The following PTPN1 variants were observed in gnomAD, a reference collection of about 807,000 sequenced individuals.
PTPN1 encodes the protein tyrosine-protein phosphatase non-receptor type 1.
PTPN1 carries 12 observed loss-of-function variants against 59.9 expected under a neutral mutation model. That is an observed-to-expected ratio of 0.20 (90% CI 0.13 to 0.32). The LOEUF (loss-of-function observed/expected upper bound fraction) is 0.32, where lower values mean the gene tolerates loss of function less well. Ranked by LOEUF, PTPN1 falls within the 10% of genes least tolerant of loss-of-function variation. PTPN1 has a pLI of 1.00. For synonymous variants in PTPN1, 178 were observed against 203.6 expected, an observed-to-expected ratio of 0.87 and a Z score of 1.07; for missense variants, 356 against 549.2, an observed-to-expected ratio of 0.65 and a Z score of 3.52.
At chr20:50,515,504 C>G (rs1422077823) in intron 1 of PTPN1, among the ~76,000 whole-genome samples, 2 of 152,092 alleles carry the variant, frequency 1.3e-5, no homozygotes, top group Non-Finnish European at 2.9e-5. Flanking sequence ...ATTGCCCAGG[C>G]TGGTCTCAAA....
chr20:50,546,674 A>G (rs945100926), intron 1 of PTPN1, among the ~76,000 whole-genome samples: 1 of 149,334 alleles, frequency 6.7e-6, no homozygotes, highest in African/African-American at 2.6e-5. Context: ...CCTCCCATTC[A>G]CACTCCAAAT....
chr20:50,535,571 G>T (rs2082621054), intron 1 of PTPN1, among the ~76,000 whole-genome samples: 1 of 152,194 alleles, frequency 6.6e-6, no homozygotes. Context: ...TTAGGGGAAA[G>T]TTAGGATTTG....
At position 50,568,201 on chromosome 20, in the gene PTPN1, G is replaced by T. The variant is rs943195812; in HGVS notation, c.256-179G>T. On this transcript the variant is annotated intron_variant, in intron 3 of 9. Transcript: ENST00000371621. This position sits in a 1 kb window ranked among gnomAD's most constrained non-coding sequence, Gnocchi z 5.6. The stretch of plus-strand genomic sequence containing the variant: ...CGCCTTTCGCTGCCTGGTAGAAAAT[G>T]GAGCTGCAGTTACTGACCACCAGGC... Among the ~76,000 whole-genome samples, 7 of 152,248 alleles carry T rather than the reference G, an allele frequency of 4.6e-5. No individual in the cohort carries two copies. Among genetic ancestry groups the T allele is most frequent in the Admixed American group, 4.6e-4 (7 of 15,284 alleles).
intron 4 of PTPN1, among the ~76,000 whole-genome samples, chr20:50,570,247 G>A (rs893832912): frequency 6.6e-6 from 1 of 152,176 alleles, no homozygotes; most frequent in Admixed American, 6.5e-5. Context: ...TTAGTTACTC[G>A]CAGAAAGTCT....
intron 1 of PTPN1, among the ~76,000 whole-genome samples, chr20:50,512,684 T>G (rs1024242688): frequency 2.0e-5 from 3 of 152,346 alleles, no homozygotes; most frequent in Admixed American, 2.0e-4. Context: ...TCTAAGATCT[T>G]GAAATCAGAA....
chr20:50,548,839 T>C (rs1465999066), intron 1 of PTPN1, among the ~76,000 whole-genome samples: 2 of 152,184 alleles, frequency 1.3e-5, no homozygotes, highest in East Asian at 3.8e-4. Context: ...TGCCTCAGCC[T>C]CCTGAGTACC....
intron 3 of PTPN1, among the ~76,000 whole-genome samples, chr20:50,567,426 C>CA (rs1263840792): frequency 7.4e-5 from 11 of 149,490 alleles, no homozygotes; most frequent in Admixed American, 2.7e-4. Flanking sequence ...GACTCTGCCT[C>CA]AAAAAAAATT....
rs147639529 is a variant in PTPN1, at chr20:50,564,606, T to G, written c.155-363T>G. On this transcript the variant is annotated intron_variant, in intron 2 of 9. Transcript: ENST00000371621. ...GAGACTCTTGACTCAAAAAAAAAAG[T>G]TATGCATCAGAGAACAGATCCTTTG... 1.1e-4 allele frequency among the ~76,000 whole-genome samples: 16 copies of G among 151,982 alleles called. 1 individual carries two copies. The East Asian group carries it at 3.1e-3, about 29-fold the overall frequency.
chr20:50,532,840 G>A (rs980549130), intron 1 of PTPN1, among the ~76,000 whole-genome samples: 2 of 152,058 alleles, frequency 1.3e-5, no homozygotes, highest in Non-Finnish European at 2.9e-5. Flanking sequence ...GAATTTTGGA[G>A]TACAGACTGG....
chr20:50,522,029 G>A lies in PTPN1; in HGVS notation c.63+11439G>A, dbSNP rs1474828965. ...ATGTTATGTGATGCTTGGCCTTGTA[G>A]GTATTTGGTATATTATCGTTAGATA... On this transcript the variant is annotated intron_variant, in intron 1 of 9. Coordinates refer to ENST00000371621, the MANE Select transcript of PTPN1 (RefSeq NM_002827.4). 3.9e-5 allele frequency among the ~76,000 whole-genome samples: 6 copies of A among 152,194 alleles called. No individual in the cohort carries two copies. The South Asian group carries it at 1.2e-3, about 31-fold the overall frequency.
chr20:50,568,249 C>T lies in PTPN1; in HGVS notation c.256-131C>T. 1 of 735,800 alleles carries T rather than the reference C, an allele frequency of 1.4e-6. No individual in the cohort carries two copies. Among genetic ancestry groups the T allele is most frequent in the Non-Finnish European group, 2.4e-6 (1 of 418,036 alleles). 45.6% of individuals were successfully genotyped at this position (735,800 alleles called of 1,614,324 possible). A position where few individuals can be genotyped will look rare whatever the true frequency, so the allele number is the denominator to read the frequency against. ...GGCAGAGAGAGGTGGGTCCCTGTCC[C>T]AGCCTCAGCCACCACTCTGCCTAAG... On this transcript the variant is annotated intron_variant, in intron 3 of 9. Transcript: ENST00000371621. The surrounding 1 kb of genome is among the most constrained non-coding windows in gnomAD (Gnocchi z 5.6).
At chr20:50,561,701 TTGACTGTTTTTGTGA>T (rs1322970589) in intron 2 of PTPN1, among the ~76,000 whole-genome samples, 4 of 152,202 alleles carry the variant, frequency 2.6e-5, no homozygotes, top group Non-Finnish European at 4.4e-5. Flanking sequence ...TTCTTAAGCT[TTGACTGTTTTTGTGA>T]TGAATCATTT....
chr20:50,532,684 TAAA>T (rs1442867238), intron 1 of PTPN1, among the ~76,000 whole-genome samples: 1 of 152,194 alleles, frequency 6.6e-6, no homozygotes, highest in African/African-American at 2.4e-5. Context: ...ATTGTATGAA[TAAA>T]AAACATTCTG....
At chr20:50,532,336 A>G (rs1001540354) in intron 1 of PTPN1, among the ~76,000 whole-genome samples, 3 of 152,198 alleles carry the variant, frequency 2.0e-5, no homozygotes, top group African/African-American at 7.2e-5. Context: ...TTATTTACAG[A>G]GTGTCCCCTT....
chr20:50,530,679 G>A (rs950899937), intron 1 of PTPN1, among the ~76,000 whole-genome samples: 15 of 150,320 alleles, frequency 1.0e-4, no homozygotes, highest in Admixed American at 7.9e-4. Flanking sequence ...GAGCCACCAC[G>A]CCTGGCCAAT....
Position 50,524,569 on chromosome 20 carries a change from C to CTTT in PTPN1, c.63+14002_63+14004dup, listed in dbSNP as rs764474360. On this transcript the variant is annotated intron_variant, in intron 1 of 9. Transcript: ENST00000371621. ...TGGCTGGTTTATCCCATTATGTGGT[C>CTTT]TTTTTTTTTTTTTTTTTTTTTTTTT... Among the ~76,000 whole-genome samples the CTTT allele has an allele frequency of 9.5e-3, 437 of 45,788 alleles. 23 individuals carry two copies. Among genetic ancestry groups the CTTT allele is most frequent in the East Asian group, 0.018 (29 of 1,602 alleles). The allele number at this position is 45,788 out of a possible 152,430, so 30.0% of individuals were successfully genotyped here. A position where few individuals can be genotyped will look rare whatever the true frequency, so the allele number is the denominator to read the frequency against.
At position 50,582,314 on chromosome 20, in the gene PTPN1, C is replaced by G. The variant is rs535038704; in HGVS notation, c.1285-378C>G. On this transcript the variant is annotated intron_variant, in intron 9 of 9. Coordinates refer to ENST00000371621, the MANE Select transcript of PTPN1 (RefSeq NM_002827.4). This position sits in a 1 kb window ranked among gnomAD's most constrained non-coding sequence, Gnocchi z 4.2. ...CGCTGTTAATTCAGAGAAGTGGGCTCCACCTCATTGGGAGAAGTGCCATTT... is the reference window on the plus strand; with the variant it reads ...CGCTGTTAATTCAGAGAAGTGGGCTGCACCTCATTGGGAGAAGTGCCATTT... Among the ~76,000 whole-genome samples, 240 of 152,316 alleles carry G rather than the reference C, an allele frequency of 1.6e-3. 2 individuals are homozygous for G. Among genetic ancestry groups the G allele is most frequent in the African/African-American group, 5.6e-3 (234 of 41,566 alleles).
At chr20:50,546,081 C>T (rs183608043) in intron 1 of PTPN1, among the ~76,000 whole-genome samples, 34 of 152,212 alleles carry the variant, frequency 2.2e-4, no homozygotes, top group Admixed American at 2.2e-3. Flanking sequence ...GATTAGATCC[C>T]TTGTGTTTGG....
At chr20:50,532,394 T>G (rs2082605398) in intron 1 of PTPN1, among the ~76,000 whole-genome samples, 1 of 152,162 alleles carries the variant, frequency 6.6e-6, no homozygotes, top group Admixed American at 6.5e-5. Flanking sequence ...ATGGACTTTT[T>G]TGGCTGACAT....
Sources: gnomAD v4.1 joint callset for allele counts (sites outside exome capture counted in the v4.1 genomes callset) on GRCh38, gnomAD v4.1.1 for gene constraint, Gnocchi (gnomAD v3.1) non-coding constraint, MANE v1.5 for transcripts, NCBI Gene and HGNC (gene_info 2026-07-23, HGNC 2026-07-21) for gene names.